ARHGEF10L: variants seen among roughly 807,000 people sequenced by gnomAD.
ARHGEF10L encodes Rho guanine nucleotide exchange factor 10 like.
A neutral mutation model predicts 141.2 loss-of-function variants in ARHGEF10L; 69 were observed. The observed-to-expected ratio is 0.49, with a 90% confidence interval of 0.40 to 0.60. The LOEUF is 0.60. Among genes scored for constraint, ARHGEF10L ranks in the 20% least tolerant of loss-of-function variants. The pLI, the probability that ARHGEF10L is intolerant of heterozygous loss-of-function variation, is 0.00. For missense variants in ARHGEF10L, 1,482 were observed against 1,734.3 expected, an observed-to-expected ratio of 0.85 and a Z score of 2.58; for synonymous variants, 711 against 718.5, an observed-to-expected ratio of 0.99 and a Z score of 0.17.
chr1:17,644,622 G>T lies in ARHGEF10L; in HGVS notation c.2273-3932G>T, dbSNP rs997561929. Among the ~76,000 whole-genome samples, 12 of 152,326 alleles carry T rather than the reference G, an allele frequency of 7.9e-5. No homozygotes were observed. Among genetic ancestry groups the T allele is most frequent in the African/African-American group, 2.2e-4 (9 of 41,574 alleles). ...GCCAGCAGCATCTCCATGGTGCTGG[G>T]GAGGTGTGAGCGGTATCTTGAAGGT... On this transcript the variant is annotated intron_variant, in intron 21 of 28. Transcript: ENST00000361221. The surrounding 1 kb of genome is among the most constrained non-coding windows in gnomAD (Gnocchi z 4.5).
the ARHGEF10L span, among the ~76,000 whole-genome samples, chr1:17,531,087 A>G: frequency 1.3e-5 from 2 of 152,248 alleles, no homozygotes; most frequent in Non-Finnish European, 2.9e-5. Flanking sequence ...CAATGGGATC[A>G]TGCATGAAGA....
At chr1:17,595,488 C>T (rs947477480) in intron 4 of ARHGEF10L, among the ~76,000 whole-genome samples, 7 of 152,100 alleles carry the variant, frequency 4.6e-5, no homozygotes, top group African/African-American at 1.4e-4. Context: ...CCAGAGGCCT[C>T]GACGCTCACT....
intron 26 of ARHGEF10L, among the ~76,000 whole-genome samples, chr1:17,677,974 G>A (rs2063830570): frequency 6.6e-6 from 1 of 152,186 alleles, no homozygotes; most frequent in East Asian, 1.9e-4. Context: ...AGGCTCGGTG[G>A]TCCCTCCTTC....
chr1:17,684,705 C>A (rs765128706), intron 26 of ARHGEF10L, among the ~76,000 whole-genome samples: 10 of 152,198 alleles, frequency 6.6e-5, no homozygotes, highest in Admixed American at 1.3e-4. Flanking sequence ...GGTGAACTTT[C>A]GGTCTGAGGA....
rs577068929 is a variant in ARHGEF10L at position 17,644,054 on chromosome 1, C to T, written c.2272+3752C>T. Among the ~76,000 whole-genome samples the T allele has an allele frequency of 1.3e-5, 2 of 152,324 alleles. No individual in the cohort carries two copies. The highest frequency in any genetic ancestry group is 1.9e-4 in the East Asian group (1 of 5,172). ...CTGCATTGCTGCCTCTTACCCTCCC[C>T]GGGCCCTTGGAGCTCCTCCCACCCA... On this transcript the variant is annotated intron_variant, in intron 21 of 28. Transcript: ENST00000361221. The surrounding 1 kb of genome is among the most constrained non-coding windows in gnomAD (Gnocchi z 4.5).
At chr1:17,571,627 G>A (rs2078004225) in intron 1 of ARHGEF10L, among the ~76,000 whole-genome samples, 1 of 152,100 alleles carries the variant, frequency 6.6e-6, no homozygotes, top group Non-Finnish European at 1.5e-5. Flanking sequence ...TCTGCCTCCT[G>A]GGTTCAAGTG....
intron 7 of ARHGEF10L, among the ~76,000 whole-genome samples, chr1:17,609,869 G>C (rs1295086914): frequency 6.6e-6 from 1 of 152,186 alleles, no homozygotes; most frequent in Non-Finnish European, 1.5e-5. Flanking sequence ...CACTGCTTTA[G>C]GGAAGGGGGC....
At chr1:17,519,574 C>T in the ARHGEF10L span, among the ~76,000 whole-genome samples, 10 of 151,870 alleles carry the variant, frequency 6.6e-5, 1 homozygote, top group South Asian at 6.2e-4. Context: ...CTGATCATCC[C>T]GCCACTGTGT....
At chr1:17,520,140 G>A in the ARHGEF10L span, among the ~76,000 whole-genome samples, 3 of 152,204 alleles carry the variant, frequency 2.0e-5, no homozygotes, top group Non-Finnish European at 4.4e-5. Context: ...ACCCAGGCCA[G>A]CTTCCTGGTC....
intron 26 of ARHGEF10L, among the ~76,000 whole-genome samples, chr1:17,676,497 A>G (rs528779835): frequency 2.4e-4 from 36 of 152,074 alleles, no homozygotes; most frequent in African/African-American, 8.4e-4. Flanking sequence ...TCCACCATTC[A>G]ATATCATGCA....
intron 1 of ARHGEF10L, among the ~76,000 whole-genome samples, chr1:17,563,876 C>T (rs140871075): frequency 1.4e-4 from 22 of 152,258 alleles, no homozygotes; most frequent in East Asian, 7.7e-4. Context: ...TCAAAGACCC[C>T]TCCGTCGTCT....
At chr1:17,689,006 A>C (rs1243332038) in intron 27 of ARHGEF10L, among the ~76,000 whole-genome samples, 1 of 152,048 alleles carries the variant, frequency 6.6e-6, no homozygotes, top group Non-Finnish European at 1.5e-5. Context: ...CCAAGTGCTT[A>C]TGTGCAGGAT....
chr1:17,552,577 T>G (rs988111178), intron 1 of ARHGEF10L, among the ~76,000 whole-genome samples: 2 of 104,924 alleles, frequency 1.9e-5, no homozygotes, highest in South Asian at 3.2e-4. Flanking sequence ...TTTCGTTTTT[T>G]TTTTTTTTTT....
At chr1:17,598,757 A>G (rs563707237) in intron 4 of ARHGEF10L, among the ~76,000 whole-genome samples, 1 of 151,132 alleles carries the variant, frequency 6.6e-6, no homozygotes, top group South Asian at 2.1e-4. Flanking sequence ...GCCGAGGGCT[A>G]CTGCTCTCTC....
At chr1:17,614,791 A>G (rs1361097092) in intron 8 of ARHGEF10L, among the ~76,000 whole-genome samples, 1 of 152,174 alleles carries the variant, frequency 6.6e-6, no homozygotes, top group Non-Finnish European at 1.5e-5. Context: ...GGTTCCTTCC[A>G]GAAAGTCAGC....
intron 4 of ARHGEF10L, among the ~76,000 whole-genome samples, chr1:17,600,242 C>T (rs562536216): frequency 3.3e-5 from 5 of 152,324 alleles, no homozygotes; most frequent in Admixed American, 3.3e-4. Flanking sequence ...CTCCTCGCAG[C>T]CTCCTCCCCT....
chr1:17,616,186 C>T lies in ARHGEF10L; in HGVS notation c.819C>T (p.His273=), dbSNP rs2059796579. The T allele has an allele frequency of 1.9e-6, 3 of 1,613,454 alleles. No individual in the cohort carries two copies. The highest frequency in any genetic ancestry group is 4.5e-5 in the East Asian group (2 of 44,856). Residue 273 remains histidine (H), a synonymous_variant, in exon 9 of 29, where the codon CAC becomes CAT. Transcript: ENST00000361221. ...MAVMRKVSFL[H]RKDVLGDSEE... ...TGATGCGCAAAGTCTCCTTCCTGCA[C>T]AGGAAGGACGTCCTCGGTGAGGCGC...
intron 20 of ARHGEF10L, 48 bp from the exon 21 acceptor site, chr1:17,640,154 G>A: frequency 6.3e-7 from 1 of 1,580,138 alleles, no homozygotes; most frequent in Non-Finnish European, 8.6e-7. Context: ...GGGGAGCCTG[G>A]CCCTTGTGTG....
At chr1:17,610,939 C>G (rs996101951) in intron 7 of ARHGEF10L, among the ~76,000 whole-genome samples, 2 of 151,574 alleles carry the variant, frequency 1.3e-5, no homozygotes, top group African/African-American at 4.9e-5. Context: ...TGGTGCCAAT[C>G]CAGGATCTGT....
Sources: allele counts gnomAD v4.1 joint callset (sites outside exome capture counted in the v4.1 genomes callset), GRCh38; gene constraint gnomAD v4.1.1; non-coding constraint Gnocchi (gnomAD v3.1); transcripts MANE v1.5; gene names NCBI Gene and HGNC (gene_info 2026-07-23, HGNC 2026-07-21).